NFATC2: variants seen among roughly 807,000 people sequenced by gnomAD.
NFATC2 encodes the protein nuclear factor of activated T cells 2, also known as nuclear factor of activated T-cells, cytoplasmic 2.
A neutral mutation model predicts 87.3 loss-of-function variants in NFATC2; 22 were observed. The ratio of observed to expected loss-of-function variants is 0.25; its 90% CI spans 0.18 to 0.36. NFATC2 has a LOEUF of 0.36. Among genes scored for constraint, NFATC2 ranks in the 10% least tolerant of loss-of-function variants. The pLI, the probability that NFATC2 is intolerant of heterozygous loss-of-function variation, is 1.00. For missense variants in NFATC2, 1,149 were observed against 1,259.1 expected, an observed-to-expected ratio of 0.91 and a Z score of 1.32; for synonymous variants, 565 against 542.2, an observed-to-expected ratio of 1.04 and a Z score of -0.58.
chr20:51,473,837 C>G (rs138089105), intron 5 of NFATC2, 143 bp downstream of exon 5: 1 of 751,346 alleles, frequency 1.3e-6, no homozygotes, highest in East Asian at 2.7e-5. Context: ...CCCCTCTGGT[C>G]ATCTTGGGCC....
chr20:51,398,779 C>T, intron 9 of NFATC2, 49 bp from the exon 10 acceptor site: 1 of 1,271,262 alleles, frequency 7.9e-7, no homozygotes, highest in Middle Eastern at 1.9e-4. Context: ...AAAAAATCAC[C>T]TTTGATCTCT....
chr20:51,477,139 G>A (rs1358017935), intron 3 of NFATC2, among the ~76,000 whole-genome samples: 6 of 152,064 alleles, frequency 3.9e-5, no homozygotes, highest in Admixed American at 3.3e-4. Flanking sequence ...TCAATAGCCT[G>A]ACTACTAACA....
chr20:51,398,193 A>G (rs1419969365), intron 10 of NFATC2, among the ~76,000 whole-genome samples: 5 of 152,142 alleles, frequency 3.3e-5, no homozygotes, highest in Non-Finnish European at 5.9e-5. Context: ...ATTGGAAATG[A>G]CCTAAGCACA....
chr20:51,533,680 A>G (rs2076672872), intron 1 of NFATC2, among the ~76,000 whole-genome samples: 1 of 152,232 alleles, frequency 6.6e-6, no homozygotes, highest in Admixed American at 6.5e-5. Flanking sequence ...AGAAGGACTC[A>G]GTGGTGCCTT....
intron 3 of NFATC2, among the ~76,000 whole-genome samples, chr20:51,515,621 TCA>T: frequency 6.6e-6 from 1 of 151,718 alleles, no homozygotes; most frequent in East Asian, 1.9e-4. Context: ...AAAATGGGAC[TCA>T]TGGTCAAGAA....
chr20:51,520,754 G>A (rs2076431441), intron 2 of NFATC2, among the ~76,000 whole-genome samples: 1 of 151,704 alleles, frequency 6.6e-6, no homozygotes, highest in East Asian at 1.9e-4. Context: ...TCCGCCTCCT[G>A]GGTTCAAGTG....
upstream of NFATC2, among the ~76,000 whole-genome samples, chr20:51,543,622 G>T (rs530919637): frequency 6.6e-6 from 1 of 152,166 alleles, no homozygotes; most frequent in Non-Finnish European, 1.5e-5. Flanking sequence ...TGACAAACAC[G>T]CCTGGCTGCT....
upstream of NFATC2, among the ~76,000 whole-genome samples, chr20:51,544,441 C>T (rs1029711016): frequency 1.3e-5 from 2 of 152,086 alleles, no homozygotes; most frequent in African/African-American, 4.8e-5. Context: ...ATTGAGGACA[C>T]GCATTCTTCA....
intron 3 of NFATC2, among the ~76,000 whole-genome samples, chr20:51,478,350 T>G (rs1022087129): frequency 2.6e-5 from 4 of 152,238 alleles, no homozygotes. Context: ...CCTGGATTTA[T>G]CAAGAGTTGG....
chr20:51,447,176 A>C (rs181006123), intron 6 of NFATC2, among the ~76,000 whole-genome samples: 1 of 152,180 alleles, frequency 6.6e-6, no homozygotes, highest in East Asian at 1.9e-4. Context: ...TAATAAAATG[A>C]CTCATGTCAG....
intron 3 of NFATC2, among the ~76,000 whole-genome samples, chr20:51,484,161 C>T (rs896388478): frequency 2.0e-5 from 3 of 151,808 alleles, no homozygotes; most frequent in African/African-American, 7.3e-5. Flanking sequence ...GAGCCAGACA[C>T]CCACCAGGCA....
At chr20:51,392,370 AAC>A (rs1986458734) in intron 10 of NFATC2, among the ~76,000 whole-genome samples, 1 of 152,200 alleles carries the variant, frequency 6.6e-6, no homozygotes, top group Non-Finnish European at 1.5e-5. Context: ...CAAGAGCAGT[AAC>A]AGTCACTGGC....
Position 51,533,243 on chromosome 20 carries a change from T to G in NFATC2, c.130+9127A>C, listed in dbSNP as rs531777543. Among the ~76,000 whole-genome samples, 8 of 152,336 alleles carry G rather than the reference T, an allele frequency of 5.3e-5. No individual in the cohort carries two copies. The East Asian group carries it at 5.8e-4, about 11-fold the overall frequency. On this transcript the variant is annotated intron_variant, in intron 1 of 10. Coordinates refer to ENST00000371564, the MANE Select transcript of NFATC2 (RefSeq NM_012340.5). ...AGCAGGAAGGTGGACAGATTCTTCA[T>G]CCGGCAGGTGTGCACAACCTAGAGA...
rs1986249341 is a variant in NFATC2, at chr20:51,390,969, G to A, written c.*527C>T. ...TCTGAGAACTCCTTGCCTTCAAAAG[G>A]TACAGGAGCTGTATCTGTGACCTGG... is the stretch of plus-strand genomic sequence containing the variant. On this transcript the variant is annotated 3_prime_UTR_variant, in exon 11 of 11. Transcript: ENST00000371564. The A allele has an allele frequency of 3.1e-6, 1 of 325,250 alleles. No individual in the cohort carries two copies. Among genetic ancestry groups the A allele is most frequent in the Non-Finnish European group, 6.1e-6 (1 of 164,098 alleles). 20.1% of individuals were successfully genotyped at this position (325,250 alleles called of 1,614,324 possible). A position where few individuals can be genotyped will look rare whatever the true frequency, so the allele number is the denominator to read the frequency against.
At chr20:51,458,644 A>G (rs78747847) in intron 5 of NFATC2, among the ~76,000 whole-genome samples, 2 of 99,692 alleles carry the variant, frequency 2.0e-5, no homozygotes, top group South Asian at 4.9e-4. Context: ...TAAAACTCCA[A>G]AAAAAAAAAA....
chr20:51,535,067 C>T (rs1032603715), intron 1 of NFATC2, among the ~76,000 whole-genome samples: 3 of 152,206 alleles, frequency 2.0e-5, no homozygotes, highest in Non-Finnish European at 4.4e-5. Flanking sequence ...CTGCGTCTAA[C>T]AGAAGAGAGT....
chr20:51,561,430 G>GA (rs1344740897), intron 1 of NFATC2, among the ~76,000 whole-genome samples: 1 of 109,746 alleles, frequency 9.1e-6, no homozygotes, highest in Non-Finnish European at 1.9e-5. Context: ...GAGAGAGAAA[G>GA]AAAAGAAAGA....
intron 5 of NFATC2, among the ~76,000 whole-genome samples, chr20:51,457,230 C>T (rs1279319232): frequency 1.3e-5 from 2 of 152,242 alleles, no homozygotes; most frequent in Admixed American, 1.3e-4. Flanking sequence ...GAAGATCTGC[C>T]TTTGATGAAA....
Position 51,516,806 on chromosome 20 carries a change from G to A in NFATC2, c.1310C>T (p.Thr437Ile). The change falls in exon 3 of 11, where the codon ACT becomes ATT. Residue 437 changes from threonine (T) to isoleucine (I), a missense_variant. Thr to Ile is a moderately conservative substitution (Grantham distance 89). Around this residue, in one of 3 missense-constraint regions of NFATC2, gnomAD observed 581 missense variants for 649.7 expected, o/e 0.89. Coordinates refer to ENST00000371564, the MANE Select transcript of NFATC2 (RefSeq NM_012340.5). ...TACCTGAACCACAGGGTGGCCTCCA[G>A]TTGGAGCTTTGACAGCCCCTCGGCT... is the stretch of plus-strand genomic sequence containing the variant. Reference protein sequence around the residue: ...EGSRGAVKAPTGGHPVVQLHG... With the variant: ...EGSRGAVKAPIGGHPVVQLHG... The A allele has an allele frequency of 6.2e-7, 1 of 1,611,952 alleles. No individual in the cohort carries two copies. The highest frequency in any genetic ancestry group is 8.5e-7 in the Non-Finnish European group (1 of 1,178,628).
Sources: gnomAD v4.1 joint callset for allele counts (sites outside exome capture counted in the v4.1 genomes callset) on GRCh38, gnomAD v4.1.1 for gene constraint, gnomAD v4.1.1 regional missense constraint, MANE v1.5 for transcripts, NCBI Gene and HGNC (gene_info 2026-07-23, HGNC 2026-07-21) for gene names.